MACROD2: variants seen among roughly 807,000 people sequenced by gnomAD.
MACROD2 encodes the protein mono-ADP ribosylhydrolase 2, also known as ADP-ribose glycohydrolase MACROD2.
In MACROD2, 36 loss-of-function variants were observed where a neutral mutation model predicts 70.4. The ratio of observed to expected loss-of-function variants is 0.51; its 90% CI spans 0.39 to 0.68. The LOEUF (loss-of-function observed/expected upper bound fraction) is 0.68, where lower values mean the gene tolerates loss of function less well. MACROD2 is among the 30% of genes least tolerant of loss of function. The pLI, the probability that MACROD2 is intolerant of heterozygous loss-of-function variation, is 0.00. For synonymous variants in MACROD2, 172 were observed against 178.8 expected (o/e 0.96, Z 0.30); for missense variants, 496 against 538.4 (o/e 0.92, Z 0.78).
At chr20:15,817,777 A>G (rs968086412) in intron 8 of MACROD2, among the ~76,000 whole-genome samples, 1 of 152,084 alleles carries the variant, frequency 6.6e-6, no homozygotes, top group African/African-American at 2.4e-5. Context: ...AGTCCAGATG[A>G]AGGTTTTAAA....
At chr20:15,128,691 GT>G (rs2076083928) in intron 5 of MACROD2, among the ~76,000 whole-genome samples, 1 of 151,970 alleles carries the variant, frequency 6.6e-6, no homozygotes, top group African/African-American at 2.4e-5. Flanking sequence ...GCTAAGTTAG[GT>G]TTGAATTTGA....
chr20:15,030,299 C>CA lies in MACROD2; in HGVS notation c.419-199636dup, dbSNP rs2075264777. Among the ~76,000 whole-genome samples, 6 of 152,150 alleles carry CA rather than the reference C, an allele frequency of 3.9e-5. No individual in the cohort carries two copies. The South Asian group carries it at 1.2e-3, about 32-fold the overall frequency. On this transcript the variant is annotated intron_variant, in intron 5 of 17. Coordinates refer to ENST00000684519, the MANE Select transcript of MACROD2 (RefSeq NM_001351661.2). Reference sequence around the variant, plus strand: ...AATATGGTGAGACTCTGTCTCTACACAAAAATTTTTAAAAATTAGCTGGGC... The same window carrying CA: ...AATATGGTGAGACTCTGTCTCTACACAAAAAATTTTTAAAAATTAGCTGGGC...
chr20:14,144,221 CTT>C (rs1291972173), intron 3 of MACROD2, among the ~76,000 whole-genome samples: 1 of 152,026 alleles, frequency 6.6e-6, no homozygotes, highest in Non-Finnish European at 1.5e-5. Flanking sequence ...AAAGCAAAAA[CTT>C]TGAAATTTTT....
At chr20:14,726,314 A>G (rs933974024) in intron 5 of MACROD2, among the ~76,000 whole-genome samples, 1 of 152,198 alleles carries the variant, frequency 6.6e-6, no homozygotes, top group African/African-American at 2.4e-5. Flanking sequence ...ACCATACAGT[A>G]CCTTGAAATC....
intron 4 of MACROD2, among the ~76,000 whole-genome samples, chr20:14,621,380 A>G (rs1173893869): frequency 6.6e-6 from 1 of 152,072 alleles, no homozygotes; most frequent in Non-Finnish European, 1.5e-5. Flanking sequence ...CTCAGTAGCT[A>G]GGGTAATCAT....
At chr20:14,291,007 C>A (rs947002347) in intron 3 of MACROD2, among the ~76,000 whole-genome samples, 1 of 152,132 alleles carries the variant, frequency 6.6e-6, no homozygotes, top group Non-Finnish European at 1.5e-5. Flanking sequence ...ATTTGTTATT[C>A]CTTAAAGACA....
At chr20:14,575,033 A>G (rs1433844864) in intron 4 of MACROD2, among the ~76,000 whole-genome samples, 1 of 137,324 alleles carries the variant, frequency 7.3e-6, no homozygotes, top group African/African-American at 2.6e-5. Flanking sequence ...AAAAAAAAAA[A>G]AAAAAAAAAT....
intron 2 of MACROD2, among the ~76,000 whole-genome samples, chr20:14,014,267 C>T (rs949341926): frequency 8.4e-6 from 1 of 119,722 alleles, no homozygotes; most frequent in Non-Finnish European, 1.6e-5. Context: ...AGGAGAGAGT[C>T]TTCTTAATGT....
At chr20:15,948,324 C>CCAGCAA (rs1456230189) in intron 12 of MACROD2, among the ~76,000 whole-genome samples, 3 of 139,784 alleles carry the variant, frequency 2.1e-5, no homozygotes, top group Non-Finnish European at 3.0e-5. Flanking sequence ...GGCATTCGAG[C>CCAGCAA]CAGCAACAGC....
At chr20:15,555,001 A>T (rs551094022) in intron 8 of MACROD2, among the ~76,000 whole-genome samples, 1 of 152,248 alleles carries the variant, frequency 6.6e-6, no homozygotes, top group Non-Finnish European at 1.5e-5. Flanking sequence ...TAAAATGCAG[A>T]TGCTACATTT....
At chr20:15,239,179 T>C (rs1455386792) in intron 6 of MACROD2, among the ~76,000 whole-genome samples, 1 of 140,620 alleles carries the variant, frequency 7.1e-6, no homozygotes, top group East Asian at 2.0e-4. Context: ...CTTGCAAATG[T>C]TCAGATTTTT....
chr20:14,413,452 A>C (rs946424091), intron 3 of MACROD2, among the ~76,000 whole-genome samples: 4 of 152,072 alleles, frequency 2.6e-5, no homozygotes, highest in Non-Finnish European at 5.9e-5. Flanking sequence ...TGCTTCCTAA[A>C]CTTGAATATT....
intron 6 of MACROD2, among the ~76,000 whole-genome samples, chr20:15,341,935 T>C (rs933016941): frequency 6.6e-6 from 1 of 152,116 alleles, no homozygotes; most frequent in Non-Finnish European, 1.5e-5. Flanking sequence ...GCACTTGTAA[T>C]CTTACCTATT....
At chr20:14,091,904 T>C (rs1163176003) in intron 3 of MACROD2, among the ~76,000 whole-genome samples, 1 of 152,190 alleles carries the variant, frequency 6.6e-6, no homozygotes, top group Non-Finnish European at 1.5e-5. Context: ...TGAACATTTA[T>C]GTACATGTTT....
At chr20:15,363,513 C>T (rs904149443) in intron 6 of MACROD2, among the ~76,000 whole-genome samples, 18 of 152,204 alleles carry the variant, frequency 1.2e-4, no homozygotes, top group Non-Finnish European at 2.1e-4. Flanking sequence ...GGCTTTCTCA[C>T]TCCATCAGTT....
chr20:15,683,603 A>C (rs1002629364), intron 8 of MACROD2, among the ~76,000 whole-genome samples: 1 of 151,972 alleles, frequency 6.6e-6, no homozygotes. Flanking sequence ...TTTTGAGACA[A>C]AGTCTCACTC....
rs144770578 is a variant in MACROD2 at position 15,925,575 on chromosome 20, G to A, written c.776-7701G>A. On this transcript the variant is annotated intron_variant, in intron 10 of 17. Transcript: ENST00000684519. ...GATATGCCACGGCAAGTTTTGGTACGCTTGGGTCATACCTTCAATGTTGAA... is the reference window on the plus strand; with the variant it reads ...GATATGCCACGGCAAGTTTTGGTACACTTGGGTCATACCTTCAATGTTGAA... Among the ~76,000 whole-genome samples, 547 of 152,202 alleles carry A rather than the reference G, an allele frequency of 3.6e-3. 2 individuals are homozygous for A. The highest frequency in any genetic ancestry group is 0.013 in the African/African-American group (524 of 41,522).
At chr20:14,713,414 C>T (rs1012929441) in intron 5 of MACROD2, among the ~76,000 whole-genome samples, 2 of 152,124 alleles carry the variant, frequency 1.3e-5, no homozygotes, top group Non-Finnish European at 2.9e-5. Flanking sequence ...TTTTATCACT[C>T]CAGAGTCTCT....
intron 5 of MACROD2, among the ~76,000 whole-genome samples, chr20:15,173,907 A>G (rs1394816016): frequency 6.6e-6 from 1 of 152,188 alleles, no homozygotes; most frequent in African/African-American, 2.4e-5. Context: ...TCTTACCTAC[A>G]TGTCTCCTGA....
Sources: gnomAD v4.1 joint callset for allele counts (sites outside exome capture counted in the v4.1 genomes callset) on GRCh38, gnomAD v4.1.1 for gene constraint, MANE v1.5 for transcripts, NCBI Gene and HGNC (gene_info 2026-07-23, HGNC 2026-07-21) for gene names.